Variants in PPP6R2 observed in about 807,000 individuals in gnomAD.
PPP6R2 encodes the protein protein phosphatase 6 regulatory subunit 2.
PPP6R2 carries 62 observed loss-of-function variants against 100.2 expected under a neutral mutation model. That is an observed-to-expected ratio of 0.62 (90% CI 0.50 to 0.76). PPP6R2 has a LOEUF of 0.76. Among genes scored for constraint, PPP6R2 ranks in the 30% least tolerant of loss-of-function variants. The pLI is 0.00. For missense variants in PPP6R2, 1,142 were observed against 1,276.3 expected (o/e 0.89, Z 1.60); for synonymous variants, 525 against 514.7 (o/e 1.02, Z -0.27).
At chr22:50,332,593 T>G in the PPP6R2 span, among the ~76,000 whole-genome samples, 20 of 151,762 alleles carry the variant, frequency 1.3e-4, no homozygotes, top group Non-Finnish European at 2.4e-4. Flanking sequence ...AATTTTTGTG[T>G]ATGGTATGAG....
upstream of PPP6R2, among the ~76,000 whole-genome samples, chr22:50,338,843 T>TAG (rs1569218507): frequency 8.3e-6 from 1 of 121,108 alleles, no homozygotes; most frequent in Non-Finnish European, 1.7e-5. Context: ...GGTGTGTGTG[T>TAG]GGTGTGTGGT....
Position 50,431,051 on chromosome 22 carries a change from C to A in PPP6R2, c.1126-122C>A, listed in dbSNP as rs2063053561. The A allele has an allele frequency of 2.6e-6, 2 of 767,866 alleles. No individual in the cohort carries two copies. The highest frequency in any genetic ancestry group is 4.3e-6 in the Non-Finnish European group (2 of 462,306). 47.6% of individuals were successfully genotyped at this position (767,866 alleles called of 1,614,324 possible). ...ACGCTTAAAACTCCTTCCTAGCTACCCAGAGACTGGACTTGTGAGGAGTTA... is the reference window on the plus strand; with the variant it reads ...ACGCTTAAAACTCCTTCCTAGCTACACAGAGACTGGACTTGTGAGGAGTTA... On this transcript the variant is annotated intron_variant, in intron 10 of 23. Transcript: ENST00000612753. This position sits in a 1 kb window ranked among gnomAD's most constrained non-coding sequence, Gnocchi z 4.8.
chr22:50,331,500 T>C, the PPP6R2 span, among the ~76,000 whole-genome samples: 1 of 152,204 alleles, frequency 6.6e-6, no homozygotes, highest in Non-Finnish European at 1.5e-5. Context: ...AGTGGTACTT[T>C]CTTGTGGGCG....
chr22:50,431,105 C>T lies in PPP6R2; in HGVS notation c.1126-68C>T. ...CGCCACCTTTAGGAAGGGTTTCCCT[C>T]AGCTTTGTGGTGTAGCCGGCAGGAG... is the stretch of plus-strand genomic sequence containing the variant. On this transcript the variant is annotated intron_variant, in intron 10 of 23. Transcript: ENST00000612753. The surrounding 1 kb of genome is among the most constrained non-coding windows in gnomAD (Gnocchi z 4.8). 7.5e-7 allele frequency: 1 copy of T among 1,329,910 alleles called. No homozygotes were observed. Among genetic ancestry groups the T allele is most frequent in the Non-Finnish European group, 1.1e-6 (1 of 941,976 alleles). The allele number at this position is 1,329,910 out of a possible 1,614,324, so 82.4% of individuals were successfully genotyped here. A position where few individuals can be genotyped will look rare whatever the true frequency, so the allele number is the denominator to read the frequency against.
chr22:50,403,952 T>C (rs2058440446), intron 3 of PPP6R2, among the ~76,000 whole-genome samples: 1 of 152,166 alleles, frequency 6.6e-6, no homozygotes, highest in African/African-American at 2.4e-5. Context: ...CCACCTTGGC[T>C]TAGGTCCAGT....
At chr22:50,437,367 G>A in intron 15 of PPP6R2, 139 bp from the exon 16 acceptor site, 1 of 681,716 alleles carries the variant, frequency 1.5e-6, no homozygotes, top group Non-Finnish European at 2.6e-6. Context: ...GCCCTGAACA[G>A]AGTTTACTGC....
intron 22 of PPP6R2, among the ~76,000 whole-genome samples, chr22:50,442,526 CCTT>C (rs1452742367): frequency 7.2e-6 from 1 of 138,104 alleles, no homozygotes; most frequent in African/African-American, 2.5e-5. Flanking sequence ...GGGCTTCATT[CCTT>C]CTTAAAGTTT....
rs200640091 is a variant in PPP6R2 at position 50,437,652 on chromosome 22, G to C, written c.1781+49G>C. ...TGCACGAGGCGCGGCTCTCCCTGCT[G>C]CTGAGCTCCCGTGGAGGCAGCTCCC... On this transcript the variant is annotated intron_variant, in intron 16 of 23. Transcript: ENST00000612753. The C allele has an allele frequency of 4.0e-6, 6 of 1,486,468 alleles. No individual in the cohort carries two copies. The African/African-American group carries it at 6.9e-5, about 17-fold the overall frequency. 92.1% of individuals were successfully genotyped at this position (1,486,468 alleles called of 1,614,324 possible).
intron 3 of PPP6R2, among the ~76,000 whole-genome samples, chr22:50,395,295 G>A (rs910807062): frequency 6.6e-6 from 1 of 152,176 alleles, no homozygotes; most frequent in Non-Finnish European, 1.5e-5. Flanking sequence ...ACAGAGGGAG[G>A]GGGCAGTGTG....
chr22:50,371,661 T>A (rs1346404645), intron 1 of PPP6R2, among the ~76,000 whole-genome samples: 7 of 151,672 alleles, frequency 4.6e-5, no homozygotes, highest in African/African-American at 1.7e-4. Context: ...TTTTTTGAGA[T>A]GGGGTCAGTC....
intron 22 of PPP6R2, among the ~76,000 whole-genome samples, chr22:50,442,774 G>A (rs1026593996): frequency 2.0e-5 from 3 of 151,724 alleles, no homozygotes; most frequent in Admixed American, 6.5e-5. Context: ...GTATGGTCTC[G>A]ATCTCCTGAC....
At chr22:50,348,420 G>A (rs1269392926) in intron 1 of PPP6R2, among the ~76,000 whole-genome samples, 1 of 152,162 alleles carries the variant, frequency 6.6e-6, no homozygotes, top group Non-Finnish European at 1.5e-5. Flanking sequence ...TAGATGAGAA[G>A]AGAGGTGTGA....
rs1453947879 is a variant in PPP6R2, at chr22:50,390,410, GT to G, written c.-16-3481del. ...AAGAATGGTGAGATTGGTGTACTAT[GT>G]TAATATCAGACAAAGCCGACTTCAA... is the stretch of plus-strand genomic sequence containing the variant. On this transcript the variant is annotated intron_variant, in intron 2 of 23. Coordinates refer to ENST00000612753, the MANE Select transcript of PPP6R2 (RefSeq NM_001242898.2). Among the ~76,000 whole-genome samples the G allele has an allele frequency of 2.6e-5, 4 of 152,332 alleles. 1 individual carries two copies. The highest frequency in any genetic ancestry group is 9.6e-5 in the African/African-American group (4 of 41,584).
Position 50,444,409 on chromosome 22 carries a change from G to T in PPP6R2, c.*162G>T. The T allele has an allele frequency of 2.1e-6, 2 of 966,594 alleles. No individual in the cohort carries two copies. The highest frequency in any genetic ancestry group is 3.0e-6 in the Non-Finnish European group (2 of 657,448). 59.9% of individuals were successfully genotyped at this position (966,594 alleles called of 1,614,324 possible). On this transcript the variant is annotated 3_prime_UTR_variant, in exon 24 of 24. Coordinates refer to ENST00000612753, the MANE Select transcript of PPP6R2 (RefSeq NM_001242898.2). Reference sequence around the variant, plus strand: ...TGAAACCAGTTGGACGGCCCAGCTTGCGTCTCTTCTGCCTGAGTGGGCCTC... The same window carrying T: ...TGAAACCAGTTGGACGGCCCAGCTTTCGTCTCTTCTGCCTGAGTGGGCCTC...
At chr22:50,442,931 G>A (rs530852971) in intron 22 of PPP6R2, among the ~76,000 whole-genome samples, 87 of 151,652 alleles carry the variant, frequency 5.7e-4, no homozygotes, top group African/African-American at 1.9e-3. Flanking sequence ...TTGGGAGGCC[G>A]AGGTGGGTGG....
At chr22:50,331,592 T>A in the PPP6R2 span, among the ~76,000 whole-genome samples, 10 of 148,474 alleles carry the variant, frequency 6.7e-5, 1 homozygote, top group African/African-American at 1.5e-4. Context: ...TTTAAAAAAA[T>A]GTTTATGCAG....
At chr22:50,400,059 C>T (rs2149023606) in intron 3 of PPP6R2, among the ~76,000 whole-genome samples, 1 of 152,360 alleles carries the variant, frequency 6.6e-6, no homozygotes, top group African/African-American at 2.4e-5. Context: ...CTGTGGGCTT[C>T]CTCATTCCTG....
chr22:50,412,685 A>G (rs1318404582), intron 4 of PPP6R2, among the ~76,000 whole-genome samples: 1 of 113,970 alleles, frequency 8.8e-6, no homozygotes. Context: ...TCTGTCACCC[A>G]GGCTGGAGTG....
At chr22:50,438,415 C>T in intron 18 of PPP6R2, 117 bp downstream of exon 18, 1 of 1,500,364 alleles carries the variant, frequency 6.7e-7, no homozygotes, top group African/African-American at 1.4e-5. Context: ...CCTGTCCTGC[C>T]AGCTCTGGGG....
Sources: gnomAD v4.1 joint callset for allele counts (sites outside exome capture counted in the v4.1 genomes callset) on GRCh38, gnomAD v4.1.1 for gene constraint, Gnocchi (gnomAD v3.1) non-coding constraint, MANE v1.5 for transcripts, NCBI Gene and HGNC (gene_info 2026-07-23, HGNC 2026-07-21) for gene names.